KANK2: variants seen among roughly 807,000 people sequenced by gnomAD.
KANK2 encodes the protein KN motif and ankyrin repeat domain-containing protein 2.
KANK2 carries 41 observed loss-of-function variants against 74.6 expected under a neutral mutation model. The observed-to-expected ratio is 0.55, with a 90% confidence interval of 0.43 to 0.71. KANK2 has a LOEUF of 0.71. Ranked by LOEUF, KANK2 falls within the 30% of genes least tolerant of loss-of-function variation. The pLI, the probability that KANK2 is intolerant of heterozygous loss-of-function variation, is 0.00. For synonymous variants in KANK2, 537 were observed against 519.0 expected, an observed-to-expected ratio of 1.03 and a Z score of -0.47; for missense variants, 1,148 against 1,196.4, an observed-to-expected ratio of 0.96 and a Z score of 0.60.
intron 4 of KANK2, among the ~76,000 whole-genome samples, chr19:11,188,365 C>T (rs1885591643): frequency 6.6e-6 from 1 of 151,616 alleles, no homozygotes; most frequent in Non-Finnish European, 1.5e-5. Context: ...TGTGCCACCA[C>T]ACCTGGCTAA....
rs910837273 is a variant in KANK2 at position 11,170,361 on chromosome 19, A to G, written c.2212-113T>C. ...ACTCTGATGGTGAAATGTACCCTCA[A>G]CTTGCTGATCTCCTCCTGAATCTCA... On this transcript the variant is annotated intron_variant, in intron 10 of 12. Coordinates refer to ENST00000586659, the MANE Select transcript of KANK2 (RefSeq NM_001136191.3). The surrounding 1 kb of genome is among the most constrained non-coding windows in gnomAD (Gnocchi z 5.2). 2 of 777,288 alleles carry G rather than the reference A, an allele frequency of 2.6e-6. No homozygotes were observed. Among genetic ancestry groups the G allele is most frequent in the East Asian group, 2.7e-5 (1 of 37,546 alleles). The allele number at this position is 777,288 out of a possible 1,614,324, so 48.1% of individuals were successfully genotyped here.
chr19:11,184,104 T>C (rs1471218298), intron 4 of KANK2, among the ~76,000 whole-genome samples: 3 of 152,124 alleles, frequency 2.0e-5, no homozygotes, highest in Non-Finnish European at 4.4e-5. Context: ...TGGCCAGGCA[T>C]GGTGGCTCAT....
chr19:11,192,431 CTTTTTTTTT>C (rs34285924), intron 4 of KANK2: 5 of 159,952 alleles, frequency 3.1e-5, no homozygotes, highest in Middle Eastern at 2.8e-3. Context: ...CCTTGGCATT[CTTTTTTTTT>C]TTTTTTTTTT....
chr19:11,193,399 T>C lies in KANK2; in HGVS notation c.681A>G (p.Thr227=), dbSNP rs893916357. 1.2e-6 allele frequency: 2 copies of C among 1,612,828 alleles called. No homozygotes were observed. Among genetic ancestry groups the C allele is most frequent in the Admixed American group, 1.7e-5 (1 of 60,030 alleles). ...SVLQEEKRQL[T]VQLKSQKFLG... is the part of the protein sequence containing the mutation. ...GGAACTTCTGGCTCTTAAGTTGTAC[T>C]GTGAGCTGCCGCTTTTCCTCCTGGA... The change falls in exon 4 of 13, where the codon ACA becomes ACG. Residue 227 remains threonine (T), a synonymous_variant. Coordinates refer to ENST00000586659, the MANE Select transcript of KANK2 (RefSeq NM_001136191.3). This position sits in a 1 kb window ranked among gnomAD's most constrained non-coding sequence, Gnocchi z 9.6.
Position 11,178,563 on chromosome 19 carries a change from G to A in KANK2, c.1407C>T (p.Ala469=), listed in dbSNP as rs375798638. Residue 469 remains alanine, a synonymous_variant, in exon 5 of 13, where the codon GCC becomes GCT. Transcript: ENST00000586659. ...RQAASQESEE[A]GGTGGPPAGV... Reference sequence around the variant, plus strand: ...CCACCCACCACTTACCGGTGCCCCCGGCCTCCTCGGACTCTTGGGAGGCTG... The same window carrying A: ...CCACCCACCACTTACCGGTGCCCCCAGCCTCCTCGGACTCTTGGGAGGCTG... 9 of 1,604,126 alleles carry A rather than the reference G, an allele frequency of 5.6e-6. No homozygotes were observed. Among genetic ancestry groups the A allele is most frequent in the East Asian group, 2.3e-5 (1 of 43,854 alleles).
At position 11,170,231 on chromosome 19, in the gene KANK2, C is replaced by T. The variant is rs2147381650; in HGVS notation, c.2229G>A (p.Leu743=). ...CCCGCCCGTGGCTGACGGCCAGCATCAGGGCCGTCTGTCCTGCCTGGGGAG... is the reference window on the plus strand; with the variant it reads ...CCCGCCCGTGGCTGACGGCCAGCATTAGGGCCGTCTGTCCTGCCTGGGGAG... ...AKASQAGQTA[L]MLAVSHGRVD... Residue 743 remains leucine (L), a synonymous_variant, in exon 11 of 13, where the codon CTG becomes CTA. Coordinates refer to ENST00000586659, the MANE Select transcript of KANK2 (RefSeq NM_001136191.3). This position sits in a 1 kb window ranked among gnomAD's most constrained non-coding sequence, Gnocchi z 5.2. 6.2e-7 allele frequency: 1 copy of T among 1,610,198 alleles called. No homozygotes were observed. Among genetic ancestry groups the T allele is most frequent in the Non-Finnish European group, 8.5e-7 (1 of 1,180,008 alleles).
intron 10 of KANK2, among the ~76,000 whole-genome samples, chr19:11,171,482 A>C (rs1241070816): frequency 6.7e-6 from 1 of 148,798 alleles, no homozygotes; most frequent in Non-Finnish European, 1.5e-5. Flanking sequence ...TAAAATAAAA[A>C]GTTAGAAATA....
At chr19:11,176,010 G>A (rs372045947) in intron 7 of KANK2, 21 bp from the exon 8 acceptor site, 271 of 1,601,318 alleles carry the variant, frequency 1.7e-4, no homozygotes, top group African/African-American at 7.6e-4. Context: ...CAGACAAAGC[G>A]GGGAACTAAG....
chr19:11,176,698 A>C lies in KANK2; in HGVS notation c.1640T>G (p.Leu547Arg), dbSNP rs1568645095. 1 of 1,612,682 alleles carries C rather than the reference A, an allele frequency of 6.2e-7. No individual in the cohort carries two copies. The highest frequency in any genetic ancestry group is 1.7e-5 in the Admixed American group (1 of 59,682). ...RVPSVAEAPQ[L>R]RPAGTAAAKT... ...GGCCGCTGCCGTCCCTGCAGGCCTG[A>C]GCTGGGGGGCTTCGGCCACACTCGG... The change falls in exon 7 of 13, where the codon CTC becomes CGC. Residue 547 changes from leucine (L) to arginine (R), a missense_variant. Transcript: ENST00000586659.
At chr19:11,196,983 A>AT (rs2079039000) in intron 1 of KANK2, 1 of 151,634 alleles carries the variant, frequency 6.6e-6, no homozygotes, top group African/African-American at 2.4e-5. Context: ...GGCCTGTGGG[A>AT]TCCCGGGCTA....
intron 4 of KANK2, among the ~76,000 whole-genome samples, chr19:11,186,501 G>A (rs1043167623): frequency 1.3e-5 from 2 of 151,312 alleles, no homozygotes; most frequent in Non-Finnish European, 3.0e-5. Context: ...AGTTGGAGAC[G>A]AGCCTGACCA....
intron 6 of KANK2, among the ~76,000 whole-genome samples, chr19:11,177,067 T>C (rs2147453818): frequency 6.6e-6 from 1 of 151,088 alleles, no homozygotes; most frequent in South Asian, 2.1e-4. Flanking sequence ...CTCCTGCCTT[T>C]TGACACTTCT....
rs147391954 is a variant in KANK2, at chr19:11,180,354, C to T, written c.1250-1634G>A. Among the ~76,000 whole-genome samples, 251 of 152,144 alleles carry T rather than the reference C, an allele frequency of 1.6e-3. 1 individual carries two copies. The highest frequency in any genetic ancestry group is 0.01 in the Middle Eastern group (3 of 294). ...AAGGGATCCTCCCACCTCAGCCTCT[C>T]GCATAGCTGGGATTATAGGCATGAG... On this transcript the variant is annotated intron_variant, in intron 4 of 12. Coordinates refer to ENST00000586659, the MANE Select transcript of KANK2 (RefSeq NM_001136191.3).
intron 8 of KANK2, 137 bp downstream of exon 8, chr19:11,175,765 C>T (rs1367173015): frequency 1.7e-6 from 1 of 586,404 alleles, no homozygotes; most frequent in African/African-American, 1.9e-5. Context: ...AGCACCACCA[C>T]CCCCATGCTC....
intron 1 of KANK2, chr19:11,196,833 C>G (rs1361917840): frequency 6.6e-6 from 1 of 152,216 alleles, no homozygotes; most frequent in Non-Finnish European, 1.5e-5. Context: ...AGGGAAGGGG[C>G]GCGGGTCTCC....
chr19:11,176,679 T>C lies in KANK2; in HGVS notation c.1659A>G (p.Ala553=). Residue 553 remains alanine (A), a synonymous_variant, in exon 7 of 13, where the codon GCA becomes GCG. Transcript: ENST00000586659. ...EAPQLRPAGT[A]AAKTSRQECQ... ...ACTCCTGCCGGCTGGTCTTGGCCGC[T>C]GCCGTCCCTGCAGGCCTGAGCTGGG... 3 of 1,613,678 alleles carry C rather than the reference T, an allele frequency of 1.9e-6. No individual in the cohort carries two copies. The highest frequency in any genetic ancestry group is 2.5e-6 in the Non-Finnish European group (3 of 1,179,876).
In KANK2 at chr19:11,184,478, T is replaced by C. The variant is rs1202193924; in HGVS notation, c.1250-5758A>G. Among the ~76,000 whole-genome samples the C allele has an allele frequency of 2.0e-5, 3 of 150,294 alleles. 1 individual carries two copies. Among genetic ancestry groups the C allele is most frequent in the Non-Finnish European group, 4.5e-5 (3 of 67,370 alleles). On this transcript the variant is annotated intron_variant, in intron 4 of 12. Transcript: ENST00000586659. ...AGGCAAAAATTGGCAAGGGATAATC[T>C]TCTAGAACAGGGTCAACAAACCTGG...
chr19:11,177,644 G>A (rs187120726), intron 6 of KANK2, among the ~76,000 whole-genome samples: 2 of 152,210 alleles, frequency 1.3e-5, no homozygotes, highest in East Asian at 3.9e-4. Flanking sequence ...GAGCCACCGC[G>A]CCCGGCCACT....
chr19:11,187,215 C>A (rs1389568155), intron 4 of KANK2, among the ~76,000 whole-genome samples: 1 of 151,864 alleles, frequency 6.6e-6, no homozygotes, highest in East Asian at 1.9e-4. Flanking sequence ...TGAGATCACG[C>A]CACTGCACTC....
Sources: gnomAD v4.1 joint callset for allele counts (sites outside exome capture counted in the v4.1 genomes callset) on GRCh38, gnomAD v4.1.1 for gene constraint, Gnocchi (gnomAD v3.1) non-coding constraint, MANE v1.5 for transcripts, NCBI Gene and HGNC (gene_info 2026-07-23, HGNC 2026-07-21) for gene names.